CARHSP1: variants seen among roughly 807,000 people sequenced by gnomAD.
The protein encoded by CARHSP1 is calcium-regulated heat-stable protein 1.
CARHSP1 carries 14 observed loss-of-function variants against 12.5 expected under a neutral mutation model. That is an observed-to-expected ratio of 1.12 (90% CI 0.74 to 1.75). CARHSP1 has a LOEUF of 1.75. Ranked by LOEUF, CARHSP1 falls within the 40% of genes most tolerant of loss-of-function variation. The probability of loss-of-function intolerance (pLI) is 0.00; values close to 1 mark genes in which losing one functional copy is unlikely to be tolerated. For synonymous variants in CARHSP1, 161 were observed against 82.0 expected (o/e 1.96, Z -5.20); for missense variants, 343 against 201.6 (o/e 1.70, Z -4.25).
intron 1 of CARHSP1, among the ~76,000 whole-genome samples, chr16:8,867,007 T>C (rs12447292): frequency 0.14 from 21,214 of 152,006 alleles, 1,720 homozygotes; most frequent in Middle Eastern, 0.23. Context: ...AACATTGCCA[T>C]TGCCTGTGCC....
chr16:8,861,778 G>T (rs1596541489), intron 1 of CARHSP1: 18 of 1,273,200 alleles, frequency 1.4e-5, no homozygotes, highest in African/African-American at 1.1e-4. Flanking sequence ...GCCCCCGCAT[G>T]ACCTACCAGC....
rs202178030 is a variant in CARHSP1, at chr16:8,858,482, A to C, written c.159-10T>G. 25 of 1,612,768 alleles carry C rather than the reference A, an allele frequency of 1.6e-5. No homozygotes were observed. The Admixed American group carries it at 3.8e-4, about 25-fold the overall frequency. On this transcript the variant is annotated splice_polypyrimidine_tract_variant and intron_variant, in intron 2 of 3. Coordinates refer to ENST00000311052, the MANE Select transcript of CARHSP1 (RefSeq NM_014316.4). ...TGAAGCCCGCACCGTCCTGACAGAGAGGGGGAAATGTCAGGGGCCCCATCA... is the reference window on the plus strand; with the variant it reads ...TGAAGCCCGCACCGTCCTGACAGAGCGGGGGAAATGTCAGGGGCCCCATCA...
At chr16:8,858,094 A>G in intron 3 of CARHSP1, 1 of 514,496 alleles carries the variant, frequency 1.9e-6, no homozygotes, top group Non-Finnish European at 3.5e-6. Flanking sequence ...ATTCACAAAG[A>G]CACACCCAGG....
intron 1 of CARHSP1, chr16:8,867,394 G>C (rs1355768008): frequency 6.6e-6 from 1 of 152,276 alleles, no homozygotes; most frequent in Non-Finnish European, 1.5e-5. Flanking sequence ...AGATGGTGCC[G>C]CGAAAATGCC....
chr16:8,866,948 G>A (rs905974036), intron 1 of CARHSP1, among the ~76,000 whole-genome samples: 8 of 152,260 alleles, frequency 5.3e-5, no homozygotes, highest in South Asian at 2.1e-4. Flanking sequence ...TGAGTGCTGG[G>A]AAGAGGCCGG....
rs775324571 is a variant in CARHSP1, at chr16:8,858,468, C to G, written c.163G>C (p.Val55Leu). 46 of 1,613,558 alleles carry G rather than the reference C, an allele frequency of 2.9e-5. No homozygotes were observed. Among genetic ancestry groups the G allele is most frequent in the East Asian group, 2.0e-4 (9 of 44,888 alleles). The stretch of plus-strand genomic sequence containing the variant: ...TAGACGGGGCCCTGTGAAGCCCGCA[C>G]CGTCCTGACAGAGAGGGGGAAATGT... ...TRRTRTFSAT[V>L]RASQGPVYKG... Residue 55 changes from valine (V) to leucine (L), a missense_variant, in exon 3 of 4, where the codon GTG becomes CTG. Transcript: ENST00000311052.
chr16:8,859,641 C>T (rs971986760), intron 1 of CARHSP1, among the ~76,000 whole-genome samples: 2 of 152,072 alleles, frequency 1.3e-5, no homozygotes, highest in African/African-American at 4.8e-5. Flanking sequence ...ACATTTGGGA[C>T]ACATAGTATT....
chr16:8,861,818 G>C, intron 1 of CARHSP1: 1 of 1,198,242 alleles, frequency 8.3e-7, no homozygotes, highest in Non-Finnish European at 1.1e-6. Flanking sequence ...AATGTTCAAC[G>C]CCCAGAGTTC....
At chr16:8,858,099 C>T (rs1292804488) in intron 3 of CARHSP1, 4 of 531,680 alleles carry the variant, frequency 7.5e-6, no homozygotes, top group Admixed American at 3.3e-5. Flanking sequence ...CAAAGACACA[C>T]CCAGGGACAA....
intron 3 of CARHSP1, among the ~76,000 whole-genome samples, 164 bp from the exon 4 acceptor site, chr16:8,855,490 C>A (rs780138100): frequency 2.1e-4 from 32 of 152,126 alleles, no homozygotes; most frequent in Non-Finnish European, 4.0e-4. Flanking sequence ...GAGGGAGCTG[C>A]CACACTGCCC....
At position 8,853,943 on chromosome 16, in the gene CARHSP1, G is replaced by C. The variant is rs1187626755; in HGVS notation, c.*1221C>G. The C allele has an allele frequency of 6.6e-6, 1 of 152,168 alleles. No homozygotes were observed. Among genetic ancestry groups the C allele is most frequent in the Non-Finnish European group, 1.5e-5 (1 of 68,082 alleles). The allele number at this position is 152,168 out of a possible 1,614,324, so 9.4% of individuals were successfully genotyped here. On this transcript the variant is annotated 3_prime_UTR_variant, in exon 4 of 4. Coordinates refer to ENST00000311052, the MANE Select transcript of CARHSP1 (RefSeq NM_014316.4). ...TCTACTAAAAATACAAAAATTAACCGGGTGTGGTGGCGCATGCCTGTAATC... is the reference window on the plus strand; with the variant it reads ...TCTACTAAAAATACAAAAATTAACCCGGTGTGGTGGCGCATGCCTGTAATC...
In CARHSP1 at chr16:8,858,362, A is replaced by G. The variant is rs2061220725; in HGVS notation, c.269T>C (p.Leu90Pro). Residue 90 changes from leucine to proline, a missense_variant, in exon 3 of 4, where the codon CTG becomes CCG. Physicochemically the swap from Leu to Pro is moderately conservative, Grantham distance 98. Transcript: ENST00000311052. Reference protein sequence around the residue: ...TPADGGPDIFLHISDVEGEYV... With the variant: ...TPADGGPDIFPHISDVEGEYV... ...GCCGCTGACTCACTCAGAGATGTGC[A>G]GGAAGATGTCGGGGCCGCCATCAGC... 1.2e-6 allele frequency: 2 copies of G among 1,613,850 alleles called. No individual in the cohort carries two copies. Among genetic ancestry groups the G allele is most frequent in the Non-Finnish European group, 1.7e-6 (2 of 1,179,990 alleles).
At chr16:8,858,805 C>T in intron 2 of CARHSP1, 2 of 415,448 alleles carry the variant, frequency 4.8e-6, no homozygotes, top group Non-Finnish European at 8.6e-6. Context: ...AGGCCTGAGA[C>T]CTGCATCTGC....
intron 2 of CARHSP1, 41 bp from the exon 3 acceptor site, chr16:8,858,513 C>G: frequency 6.2e-7 from 1 of 1,604,622 alleles, no homozygotes; most frequent in Non-Finnish European, 8.5e-7. Context: ...CATCAGCGCT[C>G]CTGGGCACAC....
rs555237180 is a variant in CARHSP1 at position 8,853,197 on chromosome 16, G to T, written c.*1967C>A. 32 of 152,240 alleles carry T rather than the reference G, an allele frequency of 2.1e-4. No individual in the cohort carries two copies. Among genetic ancestry groups the T allele is most frequent in the African/African-American group, 7.5e-4 (31 of 41,544 alleles). 9.4% of individuals were successfully genotyped at this position (152,240 alleles called of 1,614,324 possible). ...GACAGAGTAAGAGCCGCTGACAAAG[G>T]ATTCTGCCAAGACAGAATCCCAGGG... is the stretch of plus-strand genomic sequence containing the variant. On this transcript the variant is annotated 3_prime_UTR_variant, in exon 4 of 4. Transcript: ENST00000311052.
Position 8,854,188 on chromosome 16 carries a change from A to ATTTTTTT in CARHSP1, c.*975_*976insAAAAAAA, listed in dbSNP as rs2061024659. 1 of 152,032 alleles carries ATTTTTTT rather than the reference A, an allele frequency of 6.6e-6. No individual in the cohort carries two copies. The highest frequency in any genetic ancestry group is 1.5e-5 in the Non-Finnish European group (1 of 68,000). 9.4% of individuals were successfully genotyped at this position (152,032 alleles called of 1,614,324 possible). On this transcript the variant is annotated 3_prime_UTR_variant, in exon 4 of 4. Transcript: ENST00000311052. ...AATAAGAAAAAAAAAATCCCTAAGC[A>ATTTTTTT]TTTCTTAACACTAGTTTTAAAGAAA...
At chr16:8,864,245 C>T (rs761767956) in intron 1 of CARHSP1, among the ~76,000 whole-genome samples, 4 of 152,168 alleles carry the variant, frequency 2.6e-5, no homozygotes, top group Admixed American at 6.5e-5. Flanking sequence ...AGCGCATACA[C>T]GTGTATGCAT....
In CARHSP1 at chr16:8,861,743, C is replaced by G; in HGVS notation, c.-7-2408G>C. 3.9e-6 allele frequency: 5 copies of G among 1,286,366 alleles called. No individual in the cohort carries two copies. The South Asian group carries it at 6.2e-5, about 16-fold the overall frequency. 79.7% of individuals were successfully genotyped at this position (1,286,366 alleles called of 1,614,324 possible). ...CGGGGAGCCCCCACCTCAAAAAGGC[C>G]CCAGCTGCTGGCCTGGGGGCCAGGG... On this transcript the variant is annotated intron_variant, in intron 1 of 3. Coordinates refer to ENST00000311052, the MANE Select transcript of CARHSP1 (RefSeq NM_014316.4).
rs1476621985 is a variant in CARHSP1 at position 8,853,014 on chromosome 16, C to G, written c.*2150G>C. 2 of 152,134 alleles carry G rather than the reference C, an allele frequency of 1.3e-5. No individual in the cohort carries two copies. Among genetic ancestry groups the G allele is most frequent in the Non-Finnish European group, 2.9e-5 (2 of 68,044 alleles). 9.4% of individuals were successfully genotyped at this position (152,134 alleles called of 1,614,324 possible). On this transcript the variant is annotated 3_prime_UTR_variant, in exon 4 of 4. Coordinates refer to ENST00000311052, the MANE Select transcript of CARHSP1 (RefSeq NM_014316.4). ...GAGGCAAGATCTGGATTCAGGAATC[C>G]TCAATTTTAGCTCTCGCTCTGTCAC...
Sources: allele counts gnomAD v4.1 joint callset (sites outside exome capture counted in the v4.1 genomes callset), GRCh38; gene constraint gnomAD v4.1.1; transcripts MANE v1.5; gene names NCBI Gene and HGNC (gene_info 2026-07-23, HGNC 2026-07-21).